AIG1: variants seen among roughly 807,000 people sequenced by gnomAD.
AIG1 encodes androgen induced 1, also known as androgen-induced gene 1 protein.
A neutral mutation model predicts 31.4 loss-of-function variants in AIG1; 23 were observed. That is an observed-to-expected ratio of 0.73 (90% confidence interval 0.53 to 1.04). The LOEUF (loss-of-function observed/expected upper bound fraction) is 1.04. Among genes scored for constraint, AIG1 ranks in the 50% least tolerant of loss-of-function variants. AIG1 has a pLI of 0.00. For missense variants in AIG1, 274 were observed against 295.0 expected (o/e 0.93, Z 0.52); for synonymous variants, 100 against 110.5 (o/e 0.90, Z 0.60).
intron 1 of AIG1, among the ~76,000 whole-genome samples, chr6:143,107,547 GCAAGCAAAAA>G (rs1780913121): frequency 6.6e-6 from 1 of 151,634 alleles, no homozygotes; most frequent in Admixed American, 6.6e-5. Flanking sequence ...CTTCATAACT[GCAAGCAAAAA>G]AAAAATATGC....
intron 1 of AIG1, among the ~76,000 whole-genome samples, chr6:143,075,741 C>T (rs185845894): frequency 1.6e-4 from 25 of 152,154 alleles, no homozygotes; most frequent in African/African-American, 4.1e-4. Flanking sequence ...TATAAGCATT[C>T]GATGCTAAAA....
At chr6:143,111,627 A>G (rs927411235) in intron 1 of AIG1, among the ~76,000 whole-genome samples, 5 of 152,154 alleles carry the variant, frequency 3.3e-5, no homozygotes, top group Non-Finnish European at 7.4e-5. Flanking sequence ...TACACTACAA[A>G]CACGTATATC....
intron 1 of AIG1, among the ~76,000 whole-genome samples, chr6:143,097,082 AG>A (rs1466076970): frequency 1.3e-5 from 2 of 152,190 alleles, no homozygotes; most frequent in Non-Finnish European, 2.9e-5. Context: ...AATTGCCATT[AG>A]TGACCTTAGG....
intron 2 of AIG1, among the ~76,000 whole-genome samples, chr6:143,151,291 G>A (rs146040815): frequency 1.3e-5 from 2 of 152,274 alleles, no homozygotes; most frequent in African/African-American, 4.8e-5. Context: ...GTGTTTGTAA[G>A]TGTGCTCCCA....
chr6:143,110,680 AGG>A (rs1781187142), intron 1 of AIG1, among the ~76,000 whole-genome samples: 1 of 152,132 alleles, frequency 6.6e-6, no homozygotes, highest in Non-Finnish European at 1.5e-5. Context: ...AACCTTGAGG[AGG>A]AGGTGCGGAG....
At chr6:143,269,527 G>T (rs1796359283) in intron 3 of AIG1, among the ~76,000 whole-genome samples, 1 of 152,132 alleles carries the variant, frequency 6.6e-6, no homozygotes, top group African/African-American at 2.4e-5. Flanking sequence ...ACACAAATGG[G>T]CATAGCAGCA....
chr6:143,139,002 A>G (rs1784019614), intron 2 of AIG1, among the ~76,000 whole-genome samples: 1 of 151,716 alleles, frequency 6.6e-6, no homozygotes, highest in African/African-American at 2.4e-5. Context: ...ATTTTGACTT[A>G]TGTTGTAAAT....
chr6:143,322,833 C>T (rs1309829010), intron 4 of AIG1, among the ~76,000 whole-genome samples: 7 of 152,290 alleles, frequency 4.6e-5, no homozygotes, highest in Non-Finnish European at 4.4e-5. Context: ...GCCTCTTTCT[C>T]CAGGGATGGG....
rs1475164468 is a variant in AIG1, at chr6:143,288,374, AT to A, written c.515+4150del. Among the ~76,000 whole-genome samples the A allele has an allele frequency of 1.4e-4, 21 of 152,186 alleles. No individual in the cohort carries two copies. The highest frequency in any genetic ancestry group is 4.8e-4 in the African/African-American group (20 of 41,442). The stretch of plus-strand genomic sequence containing the variant: ...GAGCCCATGTGAGATCTCAGAAGCC[AT>A]GTATAATACGTGCTGATCTCTCAAC... On this transcript the variant is annotated intron_variant, in intron 4 of 5. Coordinates refer to ENST00000357847, the MANE Select transcript of AIG1 (RefSeq NM_016108.4). This position sits in a 1 kb window ranked among gnomAD's most constrained non-coding sequence, Gnocchi z 4.4.
In AIG1 at chr6:143,268,379, G is replaced by A. The variant is rs184915488; in HGVS notation, c.400-15731G>A. On this transcript the variant is annotated intron_variant, in intron 3 of 5. Coordinates refer to ENST00000357847, the MANE Select transcript of AIG1 (RefSeq NM_016108.4). The surrounding 1 kb of genome is among the most constrained non-coding windows in gnomAD (Gnocchi z 5.0). ...GGGGACCACAACTAGATGGTCTAAC[G>A]TGTGCCTTATTCAGCTGAATAAGGT... Among the ~76,000 whole-genome samples, 384 of 152,236 alleles carry A rather than the reference G, an allele frequency of 2.5e-3. No homozygotes were observed. Among genetic ancestry groups the A allele is most frequent in the Admixed American group, 4.2e-3 (65 of 15,296 alleles).
chr6:143,138,664 C>T (rs1783973517), intron 2 of AIG1, among the ~76,000 whole-genome samples: 1 of 151,924 alleles, frequency 6.6e-6, no homozygotes, highest in African/African-American at 2.4e-5. Flanking sequence ...GAGGCCGAGG[C>T]GGGCAGATCA....
At chr6:143,192,908 C>T (rs2128599005) in intron 3 of AIG1, among the ~76,000 whole-genome samples, 1 of 152,280 alleles carries the variant, frequency 6.6e-6, no homozygotes, top group East Asian at 1.9e-4. Flanking sequence ...CTTTAAGTAA[C>T]TGCTAGGGGC....
intron 1 of AIG1, among the ~76,000 whole-genome samples, chr6:143,109,326 C>T (rs1781075010): frequency 6.6e-6 from 1 of 152,108 alleles, no homozygotes; most frequent in Non-Finnish European, 1.5e-5. Flanking sequence ...AATAATGCTT[C>T]TATGAACGTG....
intron 1 of AIG1, among the ~76,000 whole-genome samples, chr6:143,107,299 T>C (rs1364278241): frequency 6.6e-6 from 1 of 152,188 alleles, no homozygotes; most frequent in East Asian, 1.9e-4. Context: ...GAAGGATATT[T>C]TAATATAAAG....
At chr6:143,308,860 C>T (rs62430877) in intron 4 of AIG1, among the ~76,000 whole-genome samples, 2,471 of 152,214 alleles carry the variant, frequency 0.016, 32 homozygotes, top group Non-Finnish European at 0.025. Context: ...GTATGGCTTT[C>T]CCTTGTAGTT....
chr6:143,213,337 T>C (rs77708515), intron 3 of AIG1, among the ~76,000 whole-genome samples: 7 of 152,078 alleles, frequency 4.6e-5, no homozygotes, highest in African/African-American at 1.7e-4. Context: ...CTTACCATCG[T>C]TGAAGTGAGA....
chr6:143,281,709 T>C (rs1230365002), intron 3 of AIG1, among the ~76,000 whole-genome samples: 2 of 152,224 alleles, frequency 1.3e-5, no homozygotes, highest in African/African-American at 2.4e-5. Context: ...ATACGTACTA[T>C]GTATAAATAA....
At chr6:143,094,327 C>T (rs935987606) in intron 1 of AIG1, 7 of 152,050 alleles carry the variant, frequency 4.6e-5, no homozygotes, top group African/African-American at 1.7e-4. Context: ...TGGCAGAAAC[C>T]TAGAAAATGG....
chr6:143,079,256 G>A (rs1777997904), intron 1 of AIG1, among the ~76,000 whole-genome samples: 1 of 152,220 alleles, frequency 6.6e-6, no homozygotes, highest in South Asian at 2.1e-4. Context: ...ATCTCTAGCA[G>A]AGATTATGAT....
Sources: allele counts gnomAD v4.1 joint callset (sites outside exome capture counted in the v4.1 genomes callset), GRCh38; gene constraint gnomAD v4.1.1; non-coding constraint Gnocchi (gnomAD v3.1); transcripts MANE v1.5; gene names NCBI Gene and HGNC (gene_info 2026-07-23, HGNC 2026-07-21).